Variants in NEURL1 observed in about 807,000 individuals in gnomAD.
The protein encoded by NEURL1 is neuralized E3 ubiquitin protein ligase 1.
Under a neutral mutation model 41.2 loss-of-function variants are expected in NEURL1, and 26 were observed. That is an observed-to-expected ratio of 0.63 (90% CI 0.46 to 0.87). NEURL1 has a LOEUF of 0.87. Ranked by LOEUF, NEURL1 falls within the 40% of genes least tolerant of loss-of-function variation. The probability of loss-of-function intolerance (pLI) is 0.00; values close to 1 mark genes in which losing one functional copy is unlikely to be tolerated. For missense variants in NEURL1, 761 were observed against 871.1 expected (o/e 0.87, Z 1.59); for synonymous variants, 400 against 402.3 (o/e 0.99, Z 0.07).
intron 1 of NEURL1, among the ~76,000 whole-genome samples, chr10:103,544,330 C>T (rs894911995): frequency 1.3e-5 from 2 of 152,184 alleles, no homozygotes; most frequent in Non-Finnish European, 2.9e-5. Flanking sequence ...GAGAAGCAGT[C>T]ACTTCCAGTG....
chr10:103,534,390 C>T (rs1238996161), intron 1 of NEURL1, among the ~76,000 whole-genome samples: 1 of 152,130 alleles, frequency 6.6e-6, no homozygotes, highest in African/African-American at 2.4e-5. Context: ...TCACCTCTTC[C>T]ATTTTAGAAT....
At chr10:103,552,292 C>G (rs1674501704) in intron 1 of NEURL1, among the ~76,000 whole-genome samples, 1 of 152,212 alleles carries the variant, frequency 6.6e-6, no homozygotes. Flanking sequence ...AGGCCAGAGT[C>G]TTCGCCCTTC....
intron 1 of NEURL1, among the ~76,000 whole-genome samples, chr10:103,549,415 T>A (rs1368408177): frequency 6.6e-6 from 1 of 152,210 alleles, no homozygotes; most frequent in Non-Finnish European, 1.5e-5. Flanking sequence ...CATCTCTGAG[T>A]ACTTTTGCTC....
chr10:103,564,113 G>A (rs908780577), intron 1 of NEURL1, among the ~76,000 whole-genome samples: 4 of 152,222 alleles, frequency 2.6e-5, no homozygotes, highest in Non-Finnish European at 5.9e-5. Context: ...GGTCACTCCG[G>A]AGGGTATGTG....
Position 103,585,081 on chromosome 10 carries a change from C to G in NEURL1, c.1195C>G (p.Leu399Val). 1 of 1,590,884 alleles carries G rather than the reference C, an allele frequency of 6.3e-7. No homozygotes were observed. Residue 399 changes from leucine to valine, a missense_variant, in exon 4 of 6, where the codon CTG becomes GTG. Physicochemically the swap from Leu to Val is conservative, Grantham distance 32 (BLOSUM62 1). Around this residue, in one of 5 missense-constraint regions of NEURL1, gnomAD observed 443 missense variants for 408.1 expected, o/e 1.09. Transcript: ENST00000369780. ...CGGGCCCCTGCACAGCGGCGACATC[C>G]TGGGCCTGGTGGTCAACGCCGACGG... ...VPGPLHSGDI[L>V]GLVVNADGEL...
At chr10:103,561,848 G>A (rs993820806) in intron 1 of NEURL1, among the ~76,000 whole-genome samples, 1 of 152,330 alleles carries the variant, frequency 6.6e-6, no homozygotes, top group East Asian at 1.9e-4. Context: ...GCTATTGAAG[G>A]TTCTTGAGCA....
At chr10:103,504,033 G>A (rs1018413896) in intron 1 of NEURL1, among the ~76,000 whole-genome samples, 8 of 149,970 alleles carry the variant, frequency 5.3e-5, no homozygotes, top group Admixed American at 4.0e-4. Flanking sequence ...TCACTCTGTC[G>A]CCCAGGCTGG....
intron 1 of NEURL1, among the ~76,000 whole-genome samples, chr10:103,543,244 C>T (rs934528696): frequency 6.6e-6 from 1 of 152,234 alleles, no homozygotes; most frequent in Admixed American, 6.5e-5. Flanking sequence ...AGGCTCTGCA[C>T]TCTGGCTCCC....
At chr10:103,512,041 T>G (rs2034084125) in intron 1 of NEURL1, 1 of 152,258 alleles carries the variant, frequency 6.6e-6, no homozygotes, top group African/African-American at 2.4e-5. Flanking sequence ...CTTCATTCAT[T>G]CATTCATTCA....
intron 1 of NEURL1, among the ~76,000 whole-genome samples, chr10:103,533,741 T>G (rs531260343): frequency 1.7e-4 from 26 of 152,330 alleles, no homozygotes; most frequent in Non-Finnish European, 2.2e-4. Context: ...TTTCACCGTG[T>G]TAGCCAGGAT....
At chr10:103,570,412 T>C (rs1001309144) in intron 1 of NEURL1, among the ~76,000 whole-genome samples, 1 of 152,208 alleles carries the variant, frequency 6.6e-6, no homozygotes, top group Non-Finnish European at 1.5e-5. Flanking sequence ...GTATGTTTCA[T>C]GTCTGTGTCT....
chr10:103,497,688 G>A lies in NEURL1; in HGVS notation c.85+3216G>A, dbSNP rs113152483. On this transcript the variant is annotated intron_variant, in intron 1 of 5. Coordinates refer to ENST00000369780, the MANE Select transcript of NEURL1 (RefSeq NM_004210.5). ...GGTTCTGAACAGCGTTGGTCTAGGA[G>A]TGTTCAGGGGAGAGGTCCACGGTGT... Among the ~76,000 whole-genome samples, 1,187 of 152,314 alleles carry A rather than the reference G, an allele frequency of 7.8e-3. 11 individuals carry two copies. Among genetic ancestry groups the A allele is most frequent in the African/African-American group, 0.027 (1,115 of 41,566 alleles).
intron 3 of NEURL1, among the ~76,000 whole-genome samples, chr10:103,572,929 T>G (rs2133878552): frequency 6.6e-6 from 1 of 152,170 alleles, no homozygotes; most frequent in East Asian, 1.9e-4. Context: ...CACTTTTTCC[T>G]TCGTCTCCCA....
intron 1 of NEURL1, among the ~76,000 whole-genome samples, chr10:103,546,233 G>A (rs1263385289): frequency 3.3e-5 from 5 of 152,156 alleles, no homozygotes; most frequent in African/African-American, 7.2e-5. Flanking sequence ...TTATTTAACC[G>A]AAGGTGGCTG....
intron 1 of NEURL1, among the ~76,000 whole-genome samples, chr10:103,529,381 A>G (rs565645899): frequency 2.2e-4 from 33 of 152,330 alleles, no homozygotes; most frequent in African/African-American, 7.9e-4. Context: ...CGAGGTCCCA[A>G]GATAACTTGG....
Position 103,549,860 on chromosome 10 carries a change from C to T in NEURL1, c.86-21012C>T, listed in dbSNP as rs569232676. Reference sequence around the variant, plus strand: ...AGGCATAGCAGCAGAAGACATTACTCCTGGGTCCCAGTCCTCCTTGCCTTC... The same window carrying T: ...AGGCATAGCAGCAGAAGACATTACTTCTGGGTCCCAGTCCTCCTTGCCTTC... On this transcript the variant is annotated intron_variant, in intron 1 of 5. Transcript: ENST00000369780. Among the ~76,000 whole-genome samples, 219 of 152,360 alleles carry T rather than the reference C, an allele frequency of 1.4e-3. 1 individual carries two copies. The highest frequency in any genetic ancestry group is 2.0e-3 in the Non-Finnish European group (137 of 68,040).
intron 1 of NEURL1, among the ~76,000 whole-genome samples, chr10:103,498,625 G>A (rs771256014): frequency 2.5e-4 from 38 of 152,034 alleles, no homozygotes; most frequent in Non-Finnish European, 4.7e-4. Flanking sequence ...TACAACCACC[G>A]CCTCTACCTA....
chr10:103,578,360 G>A (rs538023436), intron 3 of NEURL1, among the ~76,000 whole-genome samples: 1 of 152,170 alleles, frequency 6.6e-6, no homozygotes, highest in Non-Finnish European at 1.5e-5. Context: ...TTGAACCCAG[G>A]TCTCTGTATC....
chr10:103,578,830 C>T (rs973384784), intron 3 of NEURL1, among the ~76,000 whole-genome samples: 2 of 152,178 alleles, frequency 1.3e-5, no homozygotes, highest in Non-Finnish European at 2.9e-5. Context: ...GCCAGGCACC[C>T]GCACTTCCCG....
Sources: gnomAD v4.1 joint callset for allele counts (sites outside exome capture counted in the v4.1 genomes callset) on GRCh38, gnomAD v4.1.1 for gene constraint, gnomAD v4.1.1 regional missense constraint, MANE v1.5 for transcripts, NCBI Gene and HGNC (gene_info 2026-07-23, HGNC 2026-07-21) for gene names.